The following WDR45 variants were observed in gnomAD, a reference collection of about 807,000 sequenced individuals.
The protein encoded by WDR45 is WD repeat domain phosphoinositide-interacting protein 4.
In WDR45, 2 loss-of-function variants were observed where a neutral mutation model predicts 27.3. That is an observed-to-expected ratio of 0.07 (90% confidence interval 0.03 to 0.23). WDR45 has a LOEUF of 0.23. WDR45 is among the 10% of genes least tolerant of loss of function. The pLI is 1.00. For synonymous variants in WDR45, 99 were observed against 119.2 expected, an observed-to-expected ratio of 0.83 and a Z score of 1.11; for missense variants, 175 against 311.9, an observed-to-expected ratio of 0.56 and a Z score of 3.31.
intron 2 of WDR45, among the ~76,000 whole-genome samples, chrX:49,096,522 C>A (rs1012710418): frequency 1.8e-5 from 2 of 112,728 alleles, no homozygotes; most frequent in Non-Finnish European, 3.7e-5. Flanking sequence ...TGAGCCACTG[C>A]ACCCTGCCTT....
upstream of WDR45, among the ~76,000 whole-genome samples, chrX:49,081,162 C>T (rs1478987719): frequency 2.8e-5 from 3 of 107,273 alleles, no homozygotes; most frequent in Admixed American, 9.9e-5. Context: ...TGCCTCGGCC[C>T]CCCAAAGTGT....
At chrX:49,078,397 C>T (rs782412911) in intron 1 of WDR45, among the ~76,000 whole-genome samples, 21 of 112,065 alleles carry the variant, frequency 1.9e-4, no homozygotes, top group Admixed American at 5.7e-4. Context: ...TGGGGGGCAC[C>T]TATAATCCCA....
chrX:49,087,365 GA>G (rs1181979678), intron 2 of WDR45, among the ~76,000 whole-genome samples: 2 of 105,703 alleles, frequency 1.9e-5, no homozygotes, highest in Non-Finnish European at 3.9e-5. Context: ...TCTCAAAAAA[GA>G]AAAAAAATTA....
rs2065025070 is a variant in WDR45 at position 49,074,532 on chromosome X, A to T, written c.*271T>A. 1 of 384,385 alleles carries T rather than the reference A, an allele frequency of 2.6e-6. No individual in the cohort carries two copies. Among genetic ancestry groups the T allele is most frequent in the Non-Finnish European group, 4.5e-6 (1 of 224,177 alleles). The allele number at this position is 384,385 out of a possible 1,213,427, so 31.7% of individuals were successfully genotyped here. On this transcript the variant is annotated 3_prime_UTR_variant, in exon 11 of 11. Coordinates refer to ENST00000376372, the MANE Select transcript of WDR45 (RefSeq NM_001029896.2). The stretch of plus-strand genomic sequence containing the variant: ...AAAAATCCCCAGGTTGGATTAGGGC[A>T]CTCCCTCTGGGTCCCTGGCAATTTC...
Position 49,087,602 on chromosome X carries a change from G to A in WDR45, c.-17-9490C>T, listed in dbSNP as rs139226097. On this transcript the variant is annotated intron_variant, in intron 2 of 11. Transcript: ENST00000356463. ...AAAGAAGAGGTTCTAGGACTAAGAC[G>A]TGGGACATTGCTAAGATATAGGGCT... Among the ~76,000 whole-genome samples, 405 of 112,470 alleles carry A rather than the reference G, an allele frequency of 3.6e-3. 3 individuals are homozygous for A. Among genetic ancestry groups the A allele is most frequent in the Non-Finnish European group, 6.0e-3 (317 of 53,269 alleles).
In WDR45 at chrX:49,075,456, G is replaced by A. The variant is rs781854830; in HGVS notation, c.735C>T (p.Phe245=). 16 of 1,210,478 alleles carry A rather than the reference G, an allele frequency of 1.3e-5. No homozygotes were observed. The highest frequency in any genetic ancestry group is 1.7e-5 in the Non-Finnish European group (15 of 894,688). ...TDPATLYCIN[F]SHDSSFLCAS... Reference sequence around the variant, plus strand: ...CGCAGAGGAAGGAGGAGTCGTGGCTGAAGTTAATGCTAGAAGACAGATCAG... The same window carrying A: ...CGCAGAGGAAGGAGGAGTCGTGGCTAAAGTTAATGCTAGAAGACAGATCAG... Residue 245 remains phenylalanine (F), a synonymous_variant, in exon 9 of 11, where the codon TTC becomes TTT. Coordinates refer to ENST00000376372, the MANE Select transcript of WDR45 (RefSeq NM_001029896.2).
chrX:49,089,224 G>A (rs1484227604), intron 2 of WDR45, among the ~76,000 whole-genome samples: 1 of 111,696 alleles, frequency 9.0e-6, no homozygotes. Flanking sequence ...GGAGGCGGAA[G>A]CTGCAGTGAG....
chrX:49,075,542 C>T lies in WDR45; in HGVS notation c.725+3G>A. Reference sequence around the variant, plus strand: ...CAGCCCACCATGCATACCCTGTGCTCACCAGTAGAGGGTGGCAGGGTCAGT... The same window carrying T: ...CAGCCCACCATGCATACCCTGTGCTTACCAGTAGAGGGTGGCAGGGTCAGT... On this transcript the variant is annotated splice_donor_region_variant and intron_variant, in intron 8 of 10. Coordinates refer to ENST00000376372, the MANE Select transcript of WDR45 (RefSeq NM_001029896.2). 8.3e-7 allele frequency: 1 copy of T among 1,211,765 alleles called. No individual in the cohort carries two copies. Among genetic ancestry groups the T allele is most frequent in the African/African-American group, 1.7e-5 (1 of 57,850 alleles).
At chrX:49,097,245 A>G (rs2065128599) in intron 2 of WDR45, among the ~76,000 whole-genome samples, 1 of 111,093 alleles carries the variant, frequency 9.0e-6, no homozygotes, top group African/African-American at 3.3e-5. Flanking sequence ...TGCACAACAG[A>G]TAAGAAAGGG....
rs59319787 is a variant in WDR45 at position 49,090,072 on chromosome X, GT to G, written c.-18+10132del. Among the ~76,000 whole-genome samples, 26 of 104,290 alleles carry G rather than the reference GT, an allele frequency of 2.5e-4. 1 individual carries two copies. Among genetic ancestry groups the G allele is most frequent in the Admixed American group, 1.4e-3 (13 of 9,599 alleles). The allele number at this position is 104,290 out of a possible 115,157, so 90.6% of individuals were successfully genotyped here. A position where few individuals can be genotyped will look rare whatever the true frequency, so the allele number is the denominator to read the frequency against. Reference sequence around the variant, plus strand: ...GAGGTAATGAAATAAAGGAATAAAGGTTTTTTTTTTTGAGACAGGAGTCTGA... The same window carrying G: ...GAGGTAATGAAATAAAGGAATAAAGGTTTTTTTTTTGAGACAGGAGTCTGA... On this transcript the variant is annotated intron_variant, in intron 2 of 11. Transcript: ENST00000356463.
intron 2 of WDR45, among the ~76,000 whole-genome samples, chrX:49,086,975 C>T (rs376082205): frequency 3.6e-5 from 4 of 111,205 alleles, no homozygotes; most frequent in African/African-American, 1.3e-4. Flanking sequence ...CATAAGCCAC[C>T]GCTCCCAGCC....
chrX:49,097,666 T>A (rs782140061), intron 2 of WDR45, among the ~76,000 whole-genome samples: 1,897 of 105,765 alleles, frequency 0.018, 16 homozygotes, highest in Middle Eastern at 0.031. Flanking sequence ...ATTATTATTT[T>A]TTTTTTTGAG....
upstream of WDR45, among the ~76,000 whole-genome samples, chrX:49,080,863 C>T (rs1352885091): frequency 9.4e-6 from 1 of 105,946 alleles, no homozygotes; most frequent in Non-Finnish European, 1.9e-5. Flanking sequence ...AAAAAAGGCC[C>T]CAAATTATAT....
At chrX:49,097,877 T>C (rs1400257100) in intron 2 of WDR45, among the ~76,000 whole-genome samples, 3 of 108,788 alleles carry the variant, frequency 2.8e-5, no homozygotes, top group Non-Finnish European at 5.7e-5. Context: ...AGGCCGGTCT[T>C]GAACTCCTGA....
intron 2 of WDR45, among the ~76,000 whole-genome samples, chrX:49,093,798 C>T (rs1260923135): frequency 9.2e-6 from 1 of 108,505 alleles, no homozygotes; most frequent in African/African-American, 3.4e-5. Flanking sequence ...CACCTTGTTC[C>T]CCAAAGTGCT....
At chrX:49,100,903 C>T (rs1557088016) in intron 1 of WDR45, 2 of 112,890 alleles carry the variant, frequency 1.8e-5, no homozygotes, top group Admixed American at 1.9e-4. Flanking sequence ...AACTCAAAGC[C>T]ACACTTTCCG....
At chrX:49,085,419 C>T (rs1333975246) in intron 2 of WDR45, among the ~76,000 whole-genome samples, 1 of 111,756 alleles carries the variant, frequency 8.9e-6, no homozygotes, top group African/African-American at 3.3e-5. Flanking sequence ...GAGTAACTAG[C>T]CCTAGACTTA....
intron 2 of WDR45, among the ~76,000 whole-genome samples, chrX:49,097,296 T>G (rs1205011003): frequency 6.5e-5 from 7 of 108,473 alleles, no homozygotes; most frequent in African/African-American, 2.3e-4. Context: ...TTCACTTTTG[T>G]CGCCCAGGCG....
Position 49,077,736 on chromosome X carries a change from C to T in WDR45, c.142G>A (p.Val48Met), listed in dbSNP as rs782518681. ...MEKGHLDHEQ[V>M]GSMGLVEMLH... ...ATCTCCACCAAGCCCATGCTGCCCA[C>T]CTGCTCGTGGTCTGGACAGGGACCA... Residue 48 changes from valine (V) to methionine (M), a missense_variant, in exon 4 of 11, where the codon GTG becomes ATG. This residue lies in a region of WDR45 where 102 missense variants were observed against 165.4 expected (regional missense o/e 0.62). Transcript: ENST00000376372. 8.3e-7 allele frequency: 1 copy of T among 1,200,188 alleles called. No homozygotes were observed. Among genetic ancestry groups the T allele is most frequent in the Admixed American group, 2.2e-5 (1 of 44,465 alleles).
Sources: allele counts gnomAD v4.1 joint callset (sites outside exome capture counted in the v4.1 genomes callset), GRCh38; gene constraint gnomAD v4.1.1; regional missense constraint gnomAD v4.1.1; transcripts MANE v1.5; gene names NCBI Gene and HGNC (gene_info 2026-07-23, HGNC 2026-07-21).